Variants in SERF2 observed in about 807,000 individuals in gnomAD.
SERF2 encodes the protein small EDRK-rich factor 2.
SERF2 carries 4 observed loss-of-function variants against 10.7 expected under a neutral mutation model. The ratio of observed to expected loss-of-function variants is 0.37; its 90% CI spans 0.18 to 0.86. The LOEUF (loss-of-function observed/expected upper bound fraction) is 0.86. Ranked by LOEUF, SERF2 falls within the 40% of genes least tolerant of loss-of-function variation. The pLI, the probability that SERF2 is intolerant of heterozygous loss-of-function variation, is 0.43. For synonymous variants in SERF2, 26 were observed against 26.0 expected (o/e 1.00, Z 0.01); for missense variants, 47 against 79.1 (o/e 0.59, Z 1.54).
chr15:43,794,632 T>C lies in SERF2; in HGVS notation c.*859T>C. Reference sequence around the variant, plus strand: ...CCCAGGGCTGAACTCCTTATTTTCCTTTCTCCAAGGGCAGAGCCGAGTCTT... The same window carrying C: ...CCCAGGGCTGAACTCCTTATTTTCCCTTCTCCAAGGGCAGAGCCGAGTCTT... On this transcript the variant is annotated 3_prime_UTR_variant, in exon 3 of 3. Coordinates refer to ENST00000249786, the MANE Select transcript of SERF2 (RefSeq NM_001018108.4). 4.9e-6 allele frequency: 1 copy of C among 203,444 alleles called. No individual in the cohort carries two copies. The highest frequency in any genetic ancestry group is 1.0e-5 in the Non-Finnish European group (1 of 98,704). The allele number at this position is 203,444 out of a possible 1,614,324, so 12.6% of individuals were successfully genotyped here.
upstream of SERF2, among the ~76,000 whole-genome samples, chr15:43,787,767 C>T (rs561397321): frequency 5.2e-4 from 79 of 151,484 alleles, no homozygotes; most frequent in Admixed American, 2.0e-3. Context: ...GGCATGATTA[C>T]AGCTCACTGC....
Position 43,795,677 on chromosome 15 carries a change from T to A in SERF2, c.*1904T>A. 1 of 1,613,924 alleles carries A rather than the reference T, an allele frequency of 6.2e-7. No individual in the cohort carries two copies. Among genetic ancestry groups the A allele is most frequent in the Non-Finnish European group, 8.5e-7 (1 of 1,179,818 alleles). ...TCTACCACTTCTTATGGTTCCTCAC[T>A]TGGCACTCACCTTTGTCTGCCTCCA... is the stretch of plus-strand genomic sequence containing the variant. On this transcript the variant is annotated 3_prime_UTR_variant, in exon 3 of 3. Coordinates refer to ENST00000249786, the MANE Select transcript of SERF2 (RefSeq NM_001018108.4).
intron 2 of SERF2, chr15:43,793,336 G>T: frequency 5.2e-6 from 3 of 578,664 alleles, no homozygotes; most frequent in Non-Finnish European, 9.1e-6. Flanking sequence ...TAAGGGCAAG[G>T]GCAGGGAGCT....
At chr15:43,790,295 G>A (rs1397139492), upstream of SERF2, among the ~76,000 whole-genome samples, 8 of 151,818 alleles carry the variant, frequency 5.3e-5, no homozygotes, top group African/African-American at 1.9e-4. Context: ...CTGGGTAACA[G>A]AGTAAGACTG....
intron 1 of SERF2, among the ~76,000 whole-genome samples, chr15:43,784,809 A>G (rs2086992464): frequency 6.8e-6 from 1 of 146,682 alleles, no homozygotes. Flanking sequence ...TTGGAGTGTA[A>G]TGACTGAATC....
upstream of SERF2, among the ~76,000 whole-genome samples, chr15:43,791,399 C>T (rs1461413159): frequency 1.3e-5 from 2 of 150,432 alleles, no homozygotes; most frequent in Non-Finnish European, 2.9e-5. Context: ...GCCACCACGC[C>T]CGGCTAATTT....
At position 43,794,718 on chromosome 15, in the gene SERF2, G is replaced by A. The variant is rs1460280256; in HGVS notation, c.*945G>A. Reference sequence around the variant, plus strand: ...GCCCAAGAGCCAGGAAAGGGCTGGTGCCACACTGTCTGCTGGGATCAGCGG... The same window carrying A: ...GCCCAAGAGCCAGGAAAGGGCTGGTACCACACTGTCTGCTGGGATCAGCGG... On this transcript the variant is annotated 3_prime_UTR_variant, in exon 3 of 3. Transcript: ENST00000249786. 1 of 363,786 alleles carries A rather than the reference G, an allele frequency of 2.7e-6. No homozygotes were observed. The highest frequency in any genetic ancestry group is 2.0e-5 in the African/African-American group (1 of 49,524). The allele number at this position is 363,786 out of a possible 1,614,324, so 22.5% of individuals were successfully genotyped here.
upstream of SERF2, among the ~76,000 whole-genome samples, chr15:43,788,745 A>T (rs576297549): frequency 1.3e-5 from 2 of 152,270 alleles, no homozygotes; most frequent in East Asian, 1.9e-4. Context: ...TCCACCCCTT[A>T]TTATCTCAGT....
At chr15:43,792,671 C>A in intron 1 of SERF2, 2 of 1,317,746 alleles carry the variant, frequency 1.5e-6, no homozygotes, top group East Asian at 2.6e-5. Flanking sequence ...CAAGCCAGCC[C>A]ATCCCCCACG....
Position 43,793,882 on chromosome 15 carries a change from C to CA in SERF2, c.*110dup, listed in dbSNP as rs1183851582. The CA allele has an allele frequency of 6.2e-7, 1 of 1,606,234 alleles. No individual in the cohort carries two copies. The highest frequency in any genetic ancestry group is 8.5e-7 in the Non-Finnish European group (1 of 1,176,088). ...TGCTCACAGGTCCCAGCACCGATGG[C>CA]ATTCCCTTTGCCCTGAGTCTGCAGC... On this transcript the variant is annotated 3_prime_UTR_variant, in exon 3 of 3. Coordinates refer to ENST00000249786, the MANE Select transcript of SERF2 (RefSeq NM_001018108.4).
chr15:43,793,492 A>G, intron 2 of SERF2: 3 of 1,368,164 alleles, frequency 2.2e-6, no homozygotes, highest in Non-Finnish European at 2.9e-6. Flanking sequence ...GGCCTGTGTC[A>G]CCAGACTTCT....
Position 43,793,691 on chromosome 15 carries a change from C to T in SERF2, c.117-19C>T. On this transcript the variant is annotated intron_variant, in intron 2 of 2. Coordinates refer to ENST00000249786, the MANE Select transcript of SERF2 (RefSeq NM_001018108.4). ...TTGCCCTCTGGTACCTCCCAGTGCCCCATCATCTCTACCCCCAGGGACTCG... is the reference window on the plus strand; with the variant it reads ...TTGCCCTCTGGTACCTCCCAGTGCCTCATCATCTCTACCCCCAGGGACTCG... The T allele has an allele frequency of 6.2e-7, 1 of 1,614,160 alleles. No individual in the cohort carries two copies.
chr15:43,794,210 C>T lies in SERF2; in HGVS notation c.*437C>T. On this transcript the variant is annotated 3_prime_UTR_variant, in exon 3 of 3. Coordinates refer to ENST00000249786, the MANE Select transcript of SERF2 (RefSeq NM_001018108.4). ...CCTTTATTATACAATGACAACCAAA[C>T]AAGTACTCCGGATATGCAGTAGAGG... The T allele has an allele frequency of 2.0e-6, 1 of 503,312 alleles. No homozygotes were observed. Among genetic ancestry groups the T allele is most frequent in the Non-Finnish European group, 3.5e-6 (1 of 284,744 alleles). 31.2% of individuals were successfully genotyped at this position (503,312 alleles called of 1,614,324 possible).
intron 1 of SERF2, among the ~76,000 whole-genome samples, chr15:43,778,859 G>A (rs947887412): frequency 6.6e-6 from 1 of 152,082 alleles, no homozygotes; most frequent in African/African-American, 2.4e-5. Context: ...CTGAGATCAC[G>A]CCACTCCACT....
intron 2 of SERF2, 171 bp from the exon 3 acceptor site, chr15:43,793,539 C>T (rs766836436): frequency 1.1e-4 from 167 of 1,483,182 alleles, no homozygotes; most frequent in Non-Finnish European, 1.5e-4. Context: ...GACTGGTCGC[C>T]TTTTGAGCCT....
In SERF2 at chr15:43,779,568, T is replaced by A. The variant is rs1229594442; in HGVS notation, c.-527+2066T>A. Among the ~76,000 whole-genome samples the A allele has an allele frequency of 2.0e-5, 3 of 152,092 alleles. 1 individual carries two copies. The East Asian group carries it at 5.8e-4, about 29-fold the overall frequency. On this transcript the variant is annotated intron_variant, in intron 1 of 4. Transcript: ENST00000381359. ...GTGCAGTGGCACAATCATAGTTCAC[T>A]GCATCCTCGAACTCCTGGGGTCAAG...
chr15:43,792,535 T>G, intron 1 of SERF2, 152 bp downstream of exon 1: 2 of 1,515,554 alleles, frequency 1.3e-6, no homozygotes, highest in Non-Finnish European at 1.8e-6. Flanking sequence ...TGCCCGGAAA[T>G]CGAGCCCTTT....
chr15:43,793,293 A>G, intron 2 of SERF2: 1 of 569,230 alleles, frequency 1.8e-6, no homozygotes, highest in Admixed American at 3.1e-5. Context: ...GCCTGCCCTC[A>G]GTCTGATTTC....
In SERF2 at chr15:43,795,482, G is replaced by C. The variant is rs745672740; in HGVS notation, c.*1709G>C. On this transcript the variant is annotated 3_prime_UTR_variant, in exon 3 of 3. Coordinates refer to ENST00000249786, the MANE Select transcript of SERF2 (RefSeq NM_001018108.4). ...TAGTTGTAGGAAAGATGCTGGACTT[G>C]GACTGGAGGAGCTGGAGGGGTTTCT... is the stretch of plus-strand genomic sequence containing the variant. 1.2e-5 allele frequency: 20 copies of C among 1,614,160 alleles called. No individual in the cohort carries two copies. Among genetic ancestry groups the C allele is most frequent in the Non-Finnish European group, 1.7e-5 (20 of 1,180,020 alleles).
Sources: allele counts gnomAD v4.1 joint callset (sites outside exome capture counted in the v4.1 genomes callset), GRCh38; gene constraint gnomAD v4.1.1; transcripts MANE v1.5; gene names NCBI Gene and HGNC (gene_info 2026-07-23, HGNC 2026-07-21).